THSD4: variants seen among roughly 807,000 people sequenced by gnomAD.
The protein encoded by THSD4 is thrombospondin type 1 domain containing 4, also known as thrombospondin type-1 domain-containing protein 4.
THSD4 carries 69 observed loss-of-function variants against 119.0 expected under a neutral mutation model. That is an observed-to-expected ratio of 0.58 (90% CI 0.48 to 0.71). THSD4 has a LOEUF of 0.71. Ranked by LOEUF, THSD4 falls within the 30% of genes least tolerant of loss-of-function variation. THSD4 has a pLI of 0.00. For missense variants in THSD4, 1,393 were observed against 1,391.1 expected (o/e 1.00, Z -0.02); for synonymous variants, 524 against 540.4 (o/e 0.97, Z 0.42).
intron 6 of THSD4, among the ~76,000 whole-genome samples, chr15:71,295,763 C>G (rs1596320427): frequency 6.6e-6 from 1 of 152,236 alleles, no homozygotes; most frequent in Middle Eastern, 3.4e-3. Flanking sequence ...GTGCAACTAT[C>G]AGCATAAATC....
intron 6 of THSD4, among the ~76,000 whole-genome samples, chr15:71,408,368 G>C (rs575119173): frequency 3.2e-4 from 48 of 152,160 alleles, no homozygotes; most frequent in Non-Finnish European, 8.8e-5. Context: ...GAGTAGCTGG[G>C]ACTACAGGCG....
chr15:71,344,596 A>C (rs574502855), intron 6 of THSD4, among the ~76,000 whole-genome samples: 3 of 152,150 alleles, frequency 2.0e-5, no homozygotes, highest in Admixed American at 2.0e-4. Context: ...CACAGTACTC[A>C]GCACTGTGCC....
intron 11 of THSD4, among the ~76,000 whole-genome samples, chr15:71,739,458 A>T (rs1014880638): frequency 1.3e-4 from 20 of 152,176 alleles, no homozygotes; most frequent in Non-Finnish European, 1.5e-4. Context: ...CATCAGGATG[A>T]TGAAGTGGAC....
chr15:71,446,731 CT>C (rs2047187110), intron 7 of THSD4, among the ~76,000 whole-genome samples: 1 of 152,146 alleles, frequency 6.6e-6, no homozygotes, highest in South Asian at 2.1e-4. Flanking sequence ...TTTTTTCTCT[CT>C]GCCAAACTCT....
At position 71,746,920 on chromosome 15, in the gene THSD4, T is replaced by G; in HGVS notation, c.2119T>G (p.Tyr707Asp). 1 of 1,613,978 alleles carries G rather than the reference T, an allele frequency of 6.2e-7. No homozygotes were observed. Among genetic ancestry groups the G allele is most frequent in the African/African-American group, 1.3e-5 (1 of 75,064 alleles). Reference protein sequence around the residue: ...QHRQVLCRQVYANRSLTVQPY... With the variant: ...QHRQVLCRQVDANRSLTVQPY... ...CCGCCAGGTTCTGTGCCGCCAGGTG[T>G]ACGCCAACCGCAGCCTGACGGTGCA... Residue 707 changes from tyrosine (Y) to aspartate (D), a missense_variant, in exon 13 of 18, where the codon TAC becomes GAC. Coordinates refer to ENST00000261862, the MANE Select transcript of THSD4 (RefSeq NM_024817.3).
chr15:71,563,031 T>C (rs2049155076), intron 7 of THSD4, among the ~76,000 whole-genome samples: 1 of 152,186 alleles, frequency 6.6e-6, no homozygotes, highest in Non-Finnish European at 1.5e-5. Flanking sequence ...AGATCTGGTT[T>C]GACCTCAGTT....
At chr15:71,524,967 A>G (rs926266694) in intron 7 of THSD4, among the ~76,000 whole-genome samples, 4 of 149,198 alleles carry the variant, frequency 2.7e-5, no homozygotes, top group Admixed American at 6.8e-5. Flanking sequence ...TCCCTTGTCC[A>G]TGCCTCAAAA....
At chr15:71,181,110 G>A (rs937737798) in intron 3 of THSD4, among the ~76,000 whole-genome samples, 1 of 152,144 alleles carries the variant, frequency 6.6e-6, no homozygotes, top group Admixed American at 6.5e-5. Context: ...AGGGTGTCCA[G>A]CCCAGAACCC....
chr15:71,212,521 G>A (rs1473713884), intron 3 of THSD4, among the ~76,000 whole-genome samples: 1 of 152,150 alleles, frequency 6.6e-6, no homozygotes, highest in Non-Finnish European at 1.5e-5. Context: ...ATCAGGAGGC[G>A]GTGGATAACT....
At chr15:71,681,647 C>G (rs1234464118) in intron 8 of THSD4, among the ~76,000 whole-genome samples, 2 of 150,212 alleles carry the variant, frequency 1.3e-5, no homozygotes, top group East Asian at 3.9e-4. Flanking sequence ...TTAACTCTAG[C>G]CTGGGCAAAA....
At chr15:71,639,824 GT>G (rs2050819275) in intron 7 of THSD4, among the ~76,000 whole-genome samples, 2 of 126,180 alleles carry the variant, frequency 1.6e-5, no homozygotes, top group Admixed American at 1.8e-4. Context: ...AGCTGTAGAT[GT>G]TTTTATTTAG....
At chr15:71,245,450 G>T (rs1329439009) in intron 5 of THSD4, among the ~76,000 whole-genome samples, 1 of 152,096 alleles carries the variant, frequency 6.6e-6, no homozygotes, top group Admixed American at 6.6e-5. Flanking sequence ...TTCCTAGGAG[G>T]ACTCATAAGA....
chr15:71,314,812 C>T (rs932744410), intron 6 of THSD4, among the ~76,000 whole-genome samples: 43 of 152,272 alleles, frequency 2.8e-4, no homozygotes, highest in African/African-American at 9.9e-4. Context: ...GCAACAGACT[C>T]AAAGAGAACC....
chr15:71,297,091 C>T (rs1567185496), intron 6 of THSD4, among the ~76,000 whole-genome samples: 1 of 152,198 alleles, frequency 6.6e-6, no homozygotes, highest in East Asian at 1.9e-4. Context: ...GTGAAATTCA[C>T]ATAGCATAAT....
intron 6 of THSD4, among the ~76,000 whole-genome samples, chr15:71,350,814 C>T (rs907122508): frequency 6.6e-6 from 1 of 152,130 alleles, no homozygotes; most frequent in African/African-American, 2.4e-5. Flanking sequence ...AGGGCGTCTC[C>T]TGTGTGCAAG....
chr15:71,392,714 A>G (rs574025446), intron 6 of THSD4, among the ~76,000 whole-genome samples: 1 of 152,314 alleles, frequency 6.6e-6, no homozygotes, highest in South Asian at 2.1e-4. Flanking sequence ...AGAGCTTGAG[A>G]GGAAAGCTAC....
rs578019310 is a variant in THSD4 at position 71,516,551 on chromosome 15, C to T, written c.1152+104728C>T. On this transcript the variant is annotated intron_variant, in intron 7 of 17. Transcript: ENST00000261862. The stretch of plus-strand genomic sequence containing the variant: ...TCTTCAGTATAATGCAATTGGAAAA[C>T]ATTGTCTAGTCTAGTATTTCCCAGA... Among the ~76,000 whole-genome samples the T allele has an allele frequency of 1.9e-4, 29 of 152,312 alleles. No homozygotes were observed. The East Asian group carries it at 4.8e-3, about 25-fold the overall frequency.
At chr15:71,664,369 A>G (rs923546864) in intron 8 of THSD4, among the ~76,000 whole-genome samples, 1 of 152,128 alleles carries the variant, frequency 6.6e-6, no homozygotes, top group Non-Finnish European at 1.5e-5. Flanking sequence ...TGCAAATAAA[A>G]CTTTCCCTGT....
chr15:71,187,764 C>G (rs942858667), intron 3 of THSD4, among the ~76,000 whole-genome samples: 1 of 152,234 alleles, frequency 6.6e-6, no homozygotes, highest in East Asian at 1.9e-4. Context: ...TTACTCATTT[C>G]TATTCATAAC....
Sources: allele counts gnomAD v4.1 joint callset (sites outside exome capture counted in the v4.1 genomes callset), GRCh38; gene constraint gnomAD v4.1.1; transcripts MANE v1.5; gene names NCBI Gene and HGNC (gene_info 2026-07-23, HGNC 2026-07-21).